NR2C2: variants seen among roughly 807,000 people sequenced by gnomAD.
NR2C2 encodes the protein nuclear receptor subfamily 2 group C member 2.
Under a neutral mutation model 62.9 loss-of-function variants are expected in NR2C2, and 6 were observed. The observed-to-expected ratio is 0.10, with a 90% confidence interval of 0.05 to 0.19. The LOEUF is 0.19. NR2C2 is among the 10% of genes least tolerant of loss of function. The pLI is 1.00. For synonymous variants in NR2C2, 272 were observed against 273.8 expected (o/e 0.99, Z 0.07); for missense variants, 479 against 762.7 (o/e 0.63, Z 4.38).
intron 1 of NR2C2, among the ~76,000 whole-genome samples, chr3:14,951,748 TTG>T (rs1352219636): frequency 4.0e-5 from 6 of 151,368 alleles, no homozygotes; most frequent in East Asian, 1.9e-4. Context: ...GAAGTTTTTT[TTG>T]TGTGTTTTTT....
intron 1 of NR2C2, among the ~76,000 whole-genome samples, chr3:14,953,978 A>C (rs377391430): frequency 6.6e-6 from 1 of 151,088 alleles, no homozygotes. Flanking sequence ...CATTTCCCCC[A>C]GTGTATTTGT....
chr3:15,013,477 G>A, intron 2 of NR2C2, 112 bp from the exon 3 acceptor site: 1 of 827,256 alleles, frequency 1.2e-6, no homozygotes, highest in Non-Finnish European at 2.0e-6. Flanking sequence ...ATGCATGTTA[G>A]ACAGCATTAA....
chr3:15,042,665 G>A, intron 13 of NR2C2, 169 bp from the exon 14 acceptor site: 1 of 603,348 alleles, frequency 1.7e-6, no homozygotes, highest in Non-Finnish European at 2.9e-6. Flanking sequence ...TTTTTCTCAT[G>A]ATAAATTTCT....
intron 1 of NR2C2, among the ~76,000 whole-genome samples, chr3:14,991,313 A>G (rs1343725416): frequency 6.6e-6 from 1 of 152,242 alleles, no homozygotes; most frequent in Non-Finnish European, 1.5e-5. Flanking sequence ...GGAACTGCAC[A>G]TAAAAGTCAG....
At chr3:14,981,332 G>A (rs1269637223) in intron 1 of NR2C2, among the ~76,000 whole-genome samples, 6 of 151,976 alleles carry the variant, frequency 3.9e-5, no homozygotes, top group East Asian at 3.9e-4. Flanking sequence ...GGCCGGGCGC[G>A]GTGCCTCACG....
intron 8 of NR2C2, among the ~76,000 whole-genome samples, chr3:15,029,357 A>G (rs1273284320): frequency 6.6e-6 from 1 of 152,126 alleles, no homozygotes; most frequent in Admixed American, 6.5e-5. Context: ...CCAGATGCCG[A>G]TAACTGCTAC....
At chr3:15,037,853 G>A in intron 11 of NR2C2, 147 bp from the exon 12 acceptor site, 1 of 867,330 alleles carries the variant, frequency 1.2e-6, no homozygotes, top group Admixed American at 2.8e-5. Flanking sequence ...TCTGCAGCTG[G>A]AAAATGAAGC....
Position 15,043,070 on chromosome 3 carries a change from A to G in NR2C2, c.*62A>G. The G allele has an allele frequency of 6.7e-7, 1 of 1,481,828 alleles. No individual in the cohort carries two copies. Among genetic ancestry groups the G allele is most frequent in the African/African-American group, 1.4e-5 (1 of 71,148 alleles). The allele number at this position is 1,481,828 out of a possible 1,614,324, so 91.8% of individuals were successfully genotyped here. On this transcript the variant is annotated 3_prime_UTR_variant, in exon 14 of 14. Coordinates refer to ENST00000425241, the MANE Select transcript of NR2C2 (RefSeq NM_001291694.2). ...TTCCAGGACCGTTCACATACAAAGA[A>G]AAGTAGTGGTATTTTGGTATGTGCA...
At chr3:14,951,086 A>G (rs2039343894) in intron 1 of NR2C2, among the ~76,000 whole-genome samples, 1 of 152,236 alleles carries the variant, frequency 6.6e-6, no homozygotes, top group Non-Finnish European at 1.5e-5. Context: ...AAATAGCCCA[A>G]ACATAACTTA....
chr3:15,025,162 T>G (rs1221859532), intron 7 of NR2C2, among the ~76,000 whole-genome samples: 1 of 152,210 alleles, frequency 6.6e-6, no homozygotes, highest in Non-Finnish European at 1.5e-5. Flanking sequence ...GACTGCATGG[T>G]CAAATGCAGA....
intron 3 of NR2C2, among the ~76,000 whole-genome samples, chr3:15,015,890 C>A (rs1410925280): frequency 6.6e-6 from 1 of 152,150 alleles, no homozygotes; most frequent in Non-Finnish European, 1.5e-5. Context: ...CAACCTCTGC[C>A]TCCCGGGTTG....
intron 1 of NR2C2, among the ~76,000 whole-genome samples, chr3:14,950,704 C>T (rs2039329677): frequency 6.6e-6 from 1 of 152,178 alleles, no homozygotes; most frequent in Admixed American, 6.5e-5. Flanking sequence ...TCTGTCCTTA[C>T]CACACTGTAA....
intron 1 of NR2C2, among the ~76,000 whole-genome samples, chr3:14,981,485 C>T (rs1411066548): frequency 6.6e-6 from 1 of 151,590 alleles, no homozygotes; most frequent in Non-Finnish European, 1.5e-5. Context: ...CGCCTGTACT[C>T]CCAGCTACGT....
rs557606192 is a variant in NR2C2, at chr3:14,960,949, T to A, written c.-40+13043T>A. Among the ~76,000 whole-genome samples the A allele has an allele frequency of 6.6e-5, 10 of 151,996 alleles. No individual in the cohort carries two copies. The East Asian group carries it at 1.7e-3, about 26-fold the overall frequency. On this transcript the variant is annotated intron_variant, in intron 1 of 13. Coordinates refer to ENST00000425241, the MANE Select transcript of NR2C2 (RefSeq NM_001291694.2). ...AGCAAGAAAAAAAGACCAAAAGGTA[T>A]CTTTGTGTTTTTTTCTTGTAGAAAC...
intron 1 of NR2C2, among the ~76,000 whole-genome samples, chr3:14,949,315 T>C (rs1447379843): frequency 1.3e-5 from 2 of 152,184 alleles, no homozygotes; most frequent in Non-Finnish European, 2.9e-5. Flanking sequence ...GAGTAAGTGA[T>C]GTTTGAACAG....
intron 1 of NR2C2, among the ~76,000 whole-genome samples, chr3:14,991,718 G>A (rs2040675233): frequency 6.7e-6 from 1 of 150,172 alleles, no homozygotes; most frequent in African/African-American, 2.4e-5. Context: ...AATGAAATGA[G>A]CATCTTTTTC....
chr3:14,952,592 T>C (rs527891099), intron 1 of NR2C2, among the ~76,000 whole-genome samples: 1 of 152,338 alleles, frequency 6.6e-6, no homozygotes, highest in African/African-American at 2.4e-5. Context: ...TATTGCTAAT[T>C]ATGAGGGCCT....
At chr3:14,991,294 T>C (rs1344883786) in intron 1 of NR2C2, among the ~76,000 whole-genome samples, 1 of 152,214 alleles carries the variant, frequency 6.6e-6, no homozygotes, top group African/African-American at 2.4e-5. Context: ...TTCCAGTCCT[T>C]TGAGGACTGG....
At chr3:14,967,492 A>G (rs1038902657) in intron 1 of NR2C2, among the ~76,000 whole-genome samples, 10 of 152,136 alleles carry the variant, frequency 6.6e-5, no homozygotes, top group African/African-American at 2.2e-4. Flanking sequence ...ATGTCAGCCA[A>G]ATGTCCATTA....
Sources: gnomAD v4.1 joint callset for allele counts (sites outside exome capture counted in the v4.1 genomes callset) on GRCh38, gnomAD v4.1.1 for gene constraint, MANE v1.5 for transcripts, NCBI Gene and HGNC (gene_info 2026-07-23, HGNC 2026-07-21) for gene names.